LRGUK: variants seen among roughly 807,000 people sequenced by gnomAD.
The protein encoded by LRGUK is leucine-rich repeat and guanylate kinase domain-containing protein.
A neutral mutation model predicts 76.0 loss-of-function variants in LRGUK; 65 were observed. The ratio of observed to expected loss-of-function variants is 0.85; its 90% CI spans 0.70 to 1.05. The LOEUF (loss-of-function observed/expected upper bound fraction) is 1.05, where lower values mean the gene tolerates loss of function less well. Among genes scored for constraint, LRGUK ranks in the 50% least tolerant of loss-of-function variants. The pLI is 0.00. For synonymous variants in LRGUK, 268 were observed against 265.6 expected (o/e 1.01, Z -0.09); for missense variants, 758 against 732.8 (o/e 1.03, Z -0.40).
intron 19 of LRGUK, among the ~76,000 whole-genome samples, chr7:134,262,712 A>T (rs958367131): frequency 4.6e-5 from 7 of 152,230 alleles, no homozygotes; most frequent in African/African-American, 1.7e-4. Context: ...TCATGCCTGT[A>T]ATCCCAGCAC....
At chr7:134,186,808 G>A (rs1235918189) in intron 11 of LRGUK, among the ~76,000 whole-genome samples, 1 of 152,178 alleles carries the variant, frequency 6.6e-6, no homozygotes, top group Admixed American at 6.5e-5. Context: ...TTAGGTGGAG[G>A]CACAAGATGG....
chr7:134,143,013 CTTG>C (rs1437596126), intron 3 of LRGUK, 46 bp from the exon 4 acceptor site: 2 of 1,003,448 alleles, frequency 2.0e-6, no homozygotes, highest in East Asian at 2.4e-5. Flanking sequence ...ATGCCTTTGT[CTTG>C]TTATTTTATT....
At chr7:134,157,971 T>C (rs983643503) in intron 5 of LRGUK, 64 bp from the exon 6 acceptor site, 51 of 1,487,832 alleles carry the variant, frequency 3.4e-5, no homozygotes, top group Non-Finnish European at 7.4e-6. Flanking sequence ...GATTTAACAC[T>C]GATTCTTTTT....
At chr7:134,254,890 T>G (rs540658160) in intron 18 of LRGUK, among the ~76,000 whole-genome samples, 1 of 152,190 alleles carries the variant, frequency 6.6e-6, no homozygotes, top group Non-Finnish European at 1.5e-5. Context: ...TAACTTAAAA[T>G]TGTTCACTGA....
At chr7:134,134,487 A>G (rs1797443906) in intron 1 of LRGUK, among the ~76,000 whole-genome samples, 1 of 152,202 alleles carries the variant, frequency 6.6e-6, no homozygotes, top group African/African-American at 2.4e-5. Context: ...ATACTGCCAA[A>G]TGTCAGGAAC....
intron 9 of LRGUK, 55 bp from the exon 10 acceptor site, chr7:134,178,448 C>A: frequency 7.2e-7 from 1 of 1,382,310 alleles, no homozygotes; most frequent in Non-Finnish European, 1.0e-6. Flanking sequence ...CAAGCTTTGT[C>A]TTCTTTTTAG....
intron 7 of LRGUK, among the ~76,000 whole-genome samples, chr7:134,167,956 C>A (rs1356249735): frequency 6.6e-6 from 1 of 152,178 alleles, no homozygotes; most frequent in East Asian, 1.9e-4. Context: ...AGTTTCACAT[C>A]TGTTACAGTT....
exon 13 of LRGUK, chr7:134,197,060 T>C: frequency 6.2e-7 from 1 of 1,612,488 alleles, no homozygotes; most frequent in Non-Finnish European, 8.5e-7. Context: ...CCGTAGAAGG[T>C]ATCGCAAGAG....
At chr7:134,136,220 T>C (rs1322921507) in intron 1 of LRGUK, among the ~76,000 whole-genome samples, 2 of 152,180 alleles carry the variant, frequency 1.3e-5, no homozygotes, top group East Asian at 3.9e-4. Flanking sequence ...CCACCTGTTA[T>C]CTCTTTTGTC....
intron 1 of LRGUK, among the ~76,000 whole-genome samples, chr7:134,131,309 A>C (rs1797296311): frequency 6.6e-6 from 1 of 152,250 alleles, no homozygotes; most frequent in African/African-American, 2.4e-5. Context: ...TAATAACAGT[A>C]ATGGTAGAAA....
exon 7 of LRGUK, chr7:134,163,518 T>G (rs367931004): frequency 1.2e-6 from 2 of 1,612,458 alleles, no homozygotes; most frequent in Non-Finnish European, 1.7e-6. Context: ...CTCCTGGAAG[T>G]GATCAACCTG....
intron 12 of LRGUK, among the ~76,000 whole-genome samples, chr7:134,194,087 A>T (rs1800379142): frequency 6.6e-6 from 1 of 152,186 alleles, no homozygotes; most frequent in Non-Finnish European, 1.5e-5. Flanking sequence ...ACAGACCCTG[A>T]GGTTTCTGGA....
At chr7:134,223,845 C>T (rs553431216) in intron 16 of LRGUK, among the ~76,000 whole-genome samples, 8 of 152,256 alleles carry the variant, frequency 5.3e-5, no homozygotes, top group African/African-American at 1.2e-4. Context: ...TGGCCTTGAA[C>T]GCCTGGCCCC....
exon 12 of LRGUK, chr7:134,191,684 T>A: frequency 1.2e-6 from 2 of 1,613,010 alleles, no homozygotes; most frequent in Non-Finnish European, 1.7e-6. Context: ...CCACCTTACT[T>A]TGGAGAAGGG....
At position 134,236,054 on chromosome 7, in the gene LRGUK, C is replaced by T. The variant is rs535874828; in HGVS notation, c.1984-11502C>T. ...TTCCTCAAGTCCCAATCTTCTACCT[C>T]ATATTTAAGTTCTATGTTATCAAAA... On this transcript the variant is annotated intron_variant, in intron 16 of 19. Transcript: ENST00000285928. Among the ~76,000 whole-genome samples the T allele has an allele frequency of 1.8e-3, 277 of 152,268 alleles. 3 individuals are homozygous for T. Among genetic ancestry groups the T allele is most frequent in the Non-Finnish European group, 3.4e-3 (228 of 68,028 alleles).
chr7:134,173,086 A>T (rs142470314), intron 7 of LRGUK, among the ~76,000 whole-genome samples: 7 of 151,952 alleles, frequency 4.6e-5, no homozygotes, highest in African/African-American at 1.7e-4. Context: ...ACTTTCCTGA[A>T]TAATACAATA....
intron 10 of LRGUK, among the ~76,000 whole-genome samples, chr7:134,180,587 T>C (rs1799698147): frequency 1.3e-5 from 2 of 152,136 alleles, no homozygotes; most frequent in African/African-American, 4.8e-5. Context: ...CCAAATCCCA[T>C]AATTACTCAT....
chr7:134,252,983 A>G (rs1036379013), intron 18 of LRGUK, among the ~76,000 whole-genome samples: 2 of 152,182 alleles, frequency 1.3e-5, no homozygotes, highest in African/African-American at 4.8e-5. Context: ...CTTCATTTAA[A>G]TGGCAGGCTT....
the LRGUK span, among the ~76,000 whole-genome samples, chr7:134,270,606 C>A: frequency 2.0e-5 from 3 of 151,998 alleles, no homozygotes; most frequent in Non-Finnish European, 2.9e-5. Flanking sequence ...TACTGTTGTT[C>A]TCCATGAGTC....
Sources: allele counts gnomAD v4.1 joint callset (sites outside exome capture counted in the v4.1 genomes callset), GRCh38; gene constraint gnomAD v4.1.1; transcripts MANE v1.5; gene names NCBI Gene and HGNC (gene_info 2026-07-23, HGNC 2026-07-21).